AGBL1: variants seen among roughly 807,000 people sequenced by gnomAD.
The protein encoded by AGBL1 is AGBL carboxypeptidase 1.
Under a neutral mutation model 118.9 loss-of-function variants are expected in AGBL1, and 130 were observed. That is an observed-to-expected ratio of 1.09 (90% CI 0.95 to 1.26). AGBL1 has a LOEUF of 1.26. Ranked by LOEUF, AGBL1 falls within the 50% of genes most tolerant of loss-of-function variation. The pLI, the probability that AGBL1 is intolerant of heterozygous loss-of-function variation, is 0.00. For missense variants in AGBL1, 1,584 were observed against 1,298.1 expected (o/e 1.22, Z -3.38); for synonymous variants, 555 against 478.9 (o/e 1.16, Z -2.08).
intron 6 of AGBL1, among the ~76,000 whole-genome samples, chr15:86,243,626 G>C (rs1157289899): frequency 6.6e-6 from 1 of 152,128 alleles, no homozygotes; most frequent in African/African-American, 2.4e-5. Flanking sequence ...ATGCTTTTAG[G>C]GTGGGGTAGA....
intron 21 of AGBL1, among the ~76,000 whole-genome samples, chr15:86,657,737 A>G (rs528472193): frequency 6.9e-4 from 105 of 152,200 alleles, no homozygotes; most frequent in Non-Finnish European, 1.2e-3. Flanking sequence ...CTAATCTCAC[A>G]TCATAAGGAA....
intron 18 of AGBL1, among the ~76,000 whole-genome samples, chr15:86,452,452 C>T (rs932295841): frequency 6.6e-6 from 1 of 152,176 alleles, no homozygotes; most frequent in African/African-American, 2.4e-5. Flanking sequence ...TTTCCATTTA[C>T]TCTCCCTGTC....
intron 24 of AGBL1, among the ~76,000 whole-genome samples, chr15:87,015,943 AG>A (rs769565815): frequency 2.1e-4 from 32 of 152,242 alleles, no homozygotes; most frequent in Non-Finnish European, 4.1e-4. Context: ...ACTGTGTCCT[AG>A]GTGATACACA....
At chr15:86,938,927 A>G (rs999735810) in intron 23 of AGBL1, 1 of 152,240 alleles carries the variant, frequency 6.6e-6, no homozygotes, top group Admixed American at 6.5e-5. Flanking sequence ...TGCAGCATCA[A>G]TCAGTTTCAT....
intron 22 of AGBL1, among the ~76,000 whole-genome samples, chr15:86,833,667 A>C (rs186843413): frequency 2.4e-4 from 37 of 152,302 alleles, no homozygotes; most frequent in Non-Finnish European, 4.0e-4. Flanking sequence ...GACCAAAAGA[A>C]TGCTGGAATA....
downstream of AGBL1, among the ~76,000 whole-genome samples, chr15:86,917,590 A>G (rs1487648477): frequency 1.3e-5 from 2 of 152,108 alleles, no homozygotes; most frequent in African/African-American, 2.4e-5. This position sits in a 1 kb window ranked among gnomAD's most constrained non-coding sequence, Gnocchi z 4.8. Flanking sequence ...CACCTCTACA[A>G]CCTTGTTCCA....
chr15:86,762,707 T>C (rs556610076), intron 22 of AGBL1, among the ~76,000 whole-genome samples: 3 of 152,088 alleles, frequency 2.0e-5, no homozygotes, highest in South Asian at 4.1e-4. Flanking sequence ...CCTGTGACTT[T>C]AGAGAAGTTA....
intron 22 of AGBL1, among the ~76,000 whole-genome samples, chr15:86,800,187 G>C (rs182301929): frequency 6.6e-6 from 1 of 151,680 alleles, no homozygotes; most frequent in African/African-American, 2.4e-5. Context: ...TTTTTTTGTC[G>C]TAGATCCTGG....
intron 18 of AGBL1, among the ~76,000 whole-genome samples, chr15:86,489,465 C>T (rs1263461726): frequency 6.6e-6 from 1 of 152,034 alleles, no homozygotes; most frequent in Non-Finnish European, 1.5e-5. Context: ...TGTCAATGAG[C>T]CAGAAAACAT....
At chr15:86,562,510 A>G (rs2083840771) in intron 21 of AGBL1, among the ~76,000 whole-genome samples, 1 of 152,190 alleles carries the variant, frequency 6.6e-6, no homozygotes, top group African/African-American at 2.4e-5. Context: ...ATCATGGTGG[A>G]TAAGCTTTTT....
At chr15:86,153,475 C>T (rs921733967) in intron 3 of AGBL1, among the ~76,000 whole-genome samples, 20 of 149,980 alleles carry the variant, frequency 1.3e-4, no homozygotes, top group African/African-American at 4.7e-4. Context: ...CAGTTGGATA[C>T]AGGGCAGTGA....
chr15:86,956,253 ATAGATAGAT>A (rs1249448822), intron 23 of AGBL1, among the ~76,000 whole-genome samples: 115 of 150,090 alleles, frequency 7.7e-4, no homozygotes, highest in African/African-American at 2.8e-3. Flanking sequence ...AGATAGATAG[ATAGATAGAT>A]TAGATAGATG....
intron 1 of AGBL1, among the ~76,000 whole-genome samples, chr15:86,129,246 A>C (rs570834940): frequency 2.0e-5 from 3 of 152,176 alleles, no homozygotes; most frequent in African/African-American, 4.8e-5. Context: ...AAACTTGCTA[A>C]ATTTAACTAC....
chr15:86,089,787 T>C (rs1895899788), intron 1 of AGBL1, among the ~76,000 whole-genome samples: 1 of 152,176 alleles, frequency 6.6e-6, no homozygotes, highest in African/African-American at 2.4e-5. Flanking sequence ...GTCCTGAGGA[T>C]AATGCAGATA....
chr15:86,469,218 A>G (rs1036115071), intron 18 of AGBL1, among the ~76,000 whole-genome samples: 1 of 152,214 alleles, frequency 6.6e-6, no homozygotes, highest in Non-Finnish European at 1.5e-5. Flanking sequence ...CCATTTGACC[A>G]ACAGCTTTTT....
intron 22 of AGBL1, among the ~76,000 whole-genome samples, chr15:86,717,870 G>A (rs1450834648): frequency 9.2e-5 from 14 of 152,136 alleles, no homozygotes; most frequent in Admixed American, 3.3e-4. Flanking sequence ...ACAGGGTTAG[G>A]AGTTCGAGAC....
intron 22 of AGBL1, among the ~76,000 whole-genome samples, chr15:86,774,392 G>A (rs1033537839): frequency 3.9e-5 from 6 of 152,156 alleles, no homozygotes; most frequent in Middle Eastern, 3.4e-3. Context: ...CATAGAAAAA[G>A]GACAATGGAG....
At chr15:86,293,269 C>T (rs986162462) in intron 16 of AGBL1, among the ~76,000 whole-genome samples, 1 of 152,082 alleles carries the variant, frequency 6.6e-6, no homozygotes, top group Admixed American at 6.6e-5. Context: ...AATTGTACAG[C>T]TTTTTAGGTT....
At chr15:86,361,155 G>A (rs1299740239) in intron 17 of AGBL1, among the ~76,000 whole-genome samples, 1 of 151,736 alleles carries the variant, frequency 6.6e-6, no homozygotes, top group African/African-American at 2.4e-5. Context: ...TTGTTATGTA[G>A]CATTTTTGTT....
Sources: gnomAD v4.1 joint callset for allele counts (sites outside exome capture counted in the v4.1 genomes callset) on GRCh38, gnomAD v4.1.1 for gene constraint, Gnocchi (gnomAD v3.1) non-coding constraint, MANE v1.5 for transcripts, NCBI Gene and HGNC (gene_info 2026-07-23, HGNC 2026-07-21) for gene names.